Variants in PLD1 observed in about 807,000 individuals in gnomAD.
PLD1 encodes choline phosphatase 1.
A neutral mutation model predicts 137.1 loss-of-function variants in PLD1; 112 were observed. That is an observed-to-expected ratio of 0.82 (90% CI 0.70 to 0.96). The LOEUF is 0.96. Among genes scored for constraint, PLD1 ranks in the 40% least tolerant of loss-of-function variants. The probability of loss-of-function intolerance (pLI) is 0.00; values close to 1 mark genes in which losing one functional copy is unlikely to be tolerated. For synonymous variants in PLD1, 431 were observed against 454.7 expected, an observed-to-expected ratio of 0.95 and a Z score of 0.66; for missense variants, 1,321 against 1,342.0, an observed-to-expected ratio of 0.98 and a Z score of 0.24.
At chr3:171,725,506 CTT>C (rs1301968954) in intron 7 of PLD1, among the ~76,000 whole-genome samples, 1 of 152,040 alleles carries the variant, frequency 6.6e-6, no homozygotes, top group African/African-American at 2.4e-5. Context: ...TTAAAAAAAA[CTT>C]TTTTTGAAAC....
chr3:171,791,197 T>G (rs1486808537), intron 1 of PLD1, among the ~76,000 whole-genome samples: 1 of 152,152 alleles, frequency 6.6e-6, no homozygotes, highest in African/African-American at 2.4e-5. Flanking sequence ...TGTGGTTACA[T>G]CCAAATCCAC....
At chr3:171,645,289 G>A (rs1403242333) in intron 21 of PLD1, among the ~76,000 whole-genome samples, 1 of 152,132 alleles carries the variant, frequency 6.6e-6, no homozygotes, top group Non-Finnish European at 1.5e-5. Flanking sequence ...CAGCATAATC[G>A]CTTGTAGGAC....
intron 16 of PLD1, 189 bp from the exon 17 acceptor site, chr3:171,677,883 G>C: frequency 2.1e-6 from 1 of 481,730 alleles, no homozygotes; most frequent in Non-Finnish European, 3.6e-6. Context: ...TTTACTTTTA[G>C]TGGGCAGTTA....
At chr3:171,709,501 G>A (rs1716973532) in intron 10 of PLD1, 59 bp downstream of exon 10, 10 of 1,428,744 alleles carry the variant, frequency 7.0e-6, no homozygotes, top group Non-Finnish European at 6.8e-6. Context: ...GTGAATTTAG[G>A]CCAGTGTAAT....
chr3:171,806,770 T>A (rs147410352), intron 1 of PLD1, among the ~76,000 whole-genome samples: 3 of 152,352 alleles, frequency 2.0e-5, no homozygotes, highest in African/African-American at 7.2e-5. Flanking sequence ...CTATTTGCAC[T>A]GCTATAGAGG....
intron 1 of PLD1, among the ~76,000 whole-genome samples, chr3:171,750,392 T>C (rs140365265): frequency 6.6e-6 from 1 of 152,108 alleles, no homozygotes. Flanking sequence ...TAGTATTGTA[T>C]GTGATAATAC....
In PLD1 at chr3:171,620,465, C is replaced by G; in HGVS notation, c.2649G>C (p.Glu883Asp). The change falls in exon 24 of 27, where the codon GAG becomes GAC. Residue 883 changes from glutamate (E) to aspartate (D), a missense_variant. Transcript: ENST00000351298. ...GCTCAGTTACTAGGTTTCCTTCGAG[C>G]TCTGCATGTGTTCTAAGACCACAGA... Reference protein sequence around the residue: ...ISFCGLRTHAELEGNLVTELI... With the variant: ...ISFCGLRTHADLEGNLVTELI... 2 of 1,601,952 alleles carry G rather than the reference C, an allele frequency of 1.2e-6. No homozygotes were observed. Among genetic ancestry groups the G allele is most frequent in the Non-Finnish European group, 1.7e-6 (2 of 1,170,064 alleles).
At chr3:171,614,658 T>C (rs1162830286) in intron 24 of PLD1, among the ~76,000 whole-genome samples, 1 of 152,246 alleles carries the variant, frequency 6.6e-6, no homozygotes, top group Non-Finnish European at 1.5e-5. Context: ...GTGTGAACTG[T>C]AGGAGCTCAA....
At chr3:171,771,669 G>C (rs181444303) in intron 1 of PLD1, among the ~76,000 whole-genome samples, 87 of 152,302 alleles carry the variant, frequency 5.7e-4, no homozygotes, top group African/African-American at 1.9e-3. Context: ...GCCATGAAAT[G>C]ACTTTTATAT....
At chr3:171,669,604 T>C (rs9851422) in intron 19 of PLD1, among the ~76,000 whole-genome samples, 7,076 of 152,288 alleles carry the variant, frequency 0.046, 533 homozygotes, top group African/African-American at 0.16. Context: ...TTTTGCCATA[T>C]TGGCCAGGCT....
At chr3:171,718,323 C>A (rs764677727) in intron 8 of PLD1, among the ~76,000 whole-genome samples, 1 of 152,150 alleles carries the variant, frequency 6.6e-6, no homozygotes, top group Non-Finnish European at 1.5e-5. Context: ...AGCCTACCAA[C>A]CAAAATACAA....
Position 171,713,893 on chromosome 3 carries a change from C to T in PLD1, c.911G>A (p.Arg304Lys). ...KYGIRIDNLS[R>K]TLILKCNSYR... ...TTTTTTAAATATTTGAAATGTGTAC[C>T]TTGAAAGATTATCAATTCGGATTCC... The change falls in exon 9 of 27, where the codon AGG (arginine) becomes AAG (lysine). Residue 304 changes from arginine to lysine, a missense_variant and splice_region_variant. By Grantham distance (26) the Arg-to-Lys change is conservative. Transcript: ENST00000351298. 6.2e-6 allele frequency: 10 copies of T among 1,609,906 alleles called. No homozygotes were observed. Among genetic ancestry groups the T allele is most frequent in the Non-Finnish European group, 7.6e-6 (9 of 1,176,744 alleles).
At chr3:171,663,484 G>A (rs1292074974) in intron 19 of PLD1, among the ~76,000 whole-genome samples, 3 of 152,224 alleles carry the variant, frequency 2.0e-5, no homozygotes, top group Non-Finnish European at 4.4e-5. Context: ...GAAATGTGTA[G>A]CAGGAGGCCT....
intron 11 of PLD1, among the ~76,000 whole-genome samples, chr3:171,706,683 G>C (rs1273136901): frequency 6.6e-6 from 1 of 152,154 alleles, no homozygotes; most frequent in African/African-American, 2.4e-5. Context: ...ACGCATACTA[G>C]TGTTTGGTTA....
intron 1 of PLD1, among the ~76,000 whole-genome samples, chr3:171,807,177 T>C (rs530485523): frequency 1.3e-5 from 2 of 152,250 alleles, no homozygotes; most frequent in African/African-American, 4.8e-5. Flanking sequence ...AGGATGGTGA[T>C]GCGCACCTCT....
chr3:171,790,566 A>G (rs936405817), intron 1 of PLD1, among the ~76,000 whole-genome samples: 6 of 152,214 alleles, frequency 3.9e-5, no homozygotes, highest in African/African-American at 1.4e-4. Context: ...TAATTTAGAG[A>G]TGCACAGTGA....
At chr3:171,680,214 C>T (rs1713820868) in intron 16 of PLD1, among the ~76,000 whole-genome samples, 1 of 149,400 alleles carries the variant, frequency 6.7e-6, no homozygotes, top group South Asian at 2.2e-4. Flanking sequence ...CCCCCTTTCT[C>T]CTGTCTTTTT....
rs779666048 is a variant in PLD1, at chr3:171,688,708, C to T, written c.1507G>A (p.Val503Ile). The change falls in exon 14 of 27, where the codon GTC becomes ATC. Residue 503 changes from valine to isoleucine, a missense_variant. Val to Ile is a conservative substitution (Grantham distance 29). Coordinates refer to ENST00000351298, the MANE Select transcript of PLD1 (RefSeq NM_002662.5). Reference protein sequence around the residue: ...RLTDVGSVKRVTSGPSLGSLP... With the variant: ...RLTDVGSVKRITSGPSLGSLP... Reference sequence around the variant, plus strand: ...GAACCCAGAGACGGTCCTGAAGTGACCCGCTTCACACTGCCCACGTCTGTG... The same window carrying T: ...GAACCCAGAGACGGTCCTGAAGTGATCCGCTTCACACTGCCCACGTCTGTG... The T allele has an allele frequency of 1.9e-6, 3 of 1,613,984 alleles. No homozygotes were observed. The African/African-American group carries it at 4.0e-5, about 22-fold the overall frequency.
chr3:171,733,422 T>G (rs374915280), intron 6 of PLD1, 22 bp downstream of exon 6: 4 of 965,852 alleles, frequency 4.1e-6, no homozygotes, highest in East Asian at 2.5e-5. Flanking sequence ...ACTCCAAACT[T>G]AAATCACTGA....
Sources: allele counts gnomAD v4.1 joint callset (sites outside exome capture counted in the v4.1 genomes callset), GRCh38; gene constraint gnomAD v4.1.1; transcripts MANE v1.5; gene names NCBI Gene and HGNC (gene_info 2026-07-23, HGNC 2026-07-21).